The following WWOX variants were observed in gnomAD, a reference collection of about 807,000 sequenced individuals.
WWOX encodes WW domain-containing oxidoreductase.
A neutral mutation model predicts 46.2 loss-of-function variants in WWOX; 69 were observed. That is an observed-to-expected ratio of 1.49 (90% CI 1.23 to 1.82). The LOEUF (loss-of-function observed/expected upper bound fraction) is 1.82. WWOX is among the 40% of genes most tolerant of loss of function. The pLI is 0.00. For synonymous variants in WWOX, 359 were observed against 202.6 expected (o/e 1.77, Z -6.56); for missense variants, 919 against 542.6 (o/e 1.69, Z -6.89).
chr16:78,661,195 C>T (rs1229414166), intron 8 of WWOX, among the ~76,000 whole-genome samples: 1 of 152,174 alleles, frequency 6.6e-6, no homozygotes, highest in African/African-American at 2.4e-5. Context: ...AACCAATTTC[C>T]TCTCTACCAT....
At chr16:78,978,107 A>T (rs994594989) in intron 8 of WWOX, among the ~76,000 whole-genome samples, 7 of 152,214 alleles carry the variant, frequency 4.6e-5, no homozygotes, top group African/African-American at 1.7e-4. Context: ...TATTTTATTT[A>T]AGTGGGATCA....
chr16:78,310,379 GA>G (rs1567491614), intron 5 of WWOX, among the ~76,000 whole-genome samples: 1 of 152,176 alleles, frequency 6.6e-6, no homozygotes, highest in African/African-American at 2.4e-5. Context: ...TTTGTTGACT[GA>G]ATGAATTAAT....
chr16:79,051,021 C>A (rs893962225), intron 8 of WWOX, among the ~76,000 whole-genome samples: 3 of 152,224 alleles, frequency 2.0e-5, no homozygotes, highest in Non-Finnish European at 2.9e-5. Context: ...GGCTCTTCGC[C>A]CATTAACGCT....
At chr16:79,053,375 G>T (rs183492297) in intron 8 of WWOX, among the ~76,000 whole-genome samples, 1 of 152,066 alleles carries the variant, frequency 6.6e-6, no homozygotes, top group Non-Finnish European at 1.5e-5. Context: ...TAGTGCGCAC[G>T]TAAAGAAACA....
At chr16:78,267,839 A>G (rs2079399797) in intron 5 of WWOX, among the ~76,000 whole-genome samples, 1 of 152,178 alleles carries the variant, frequency 6.6e-6, no homozygotes, top group Non-Finnish European at 1.5e-5. Flanking sequence ...TGCCGGGTTC[A>G]AGTGATTCTC....
At chr16:78,578,284 A>ATATATATATATATATATTTTT (rs1555567122) in intron 8 of WWOX, among the ~76,000 whole-genome samples, 2 of 20,838 alleles carry the variant, frequency 9.6e-5, no homozygotes, top group Admixed American at 7.7e-4. Context: ...ATATATATAT[A>ATATATATATATATATATTTTT]TTTTTTTTTT....
At chr16:78,789,374 AT>A (rs1735282784) in intron 8 of WWOX, among the ~76,000 whole-genome samples, 2 of 152,174 alleles carry the variant, frequency 1.3e-5, no homozygotes, top group Non-Finnish European at 2.9e-5. Context: ...GTGAATATCC[AT>A]TTGTCCCAGA....
chr16:79,015,872 C>T (rs1028510242), intron 8 of WWOX, among the ~76,000 whole-genome samples: 7 of 152,214 alleles, frequency 4.6e-5, no homozygotes, highest in African/African-American at 1.4e-4. Flanking sequence ...CTGCCTCAGA[C>T]TCCCGAGTAG....
At chr16:78,598,337 A>T (rs1404362577) in intron 8 of WWOX, among the ~76,000 whole-genome samples, 1 of 152,174 alleles carries the variant, frequency 6.6e-6, no homozygotes, top group African/African-American at 2.4e-5. Flanking sequence ...ACGTGGGAGG[A>T]TTTCAAATGA....
At chr16:78,560,929 T>C (rs1294446059) in intron 8 of WWOX, among the ~76,000 whole-genome samples, 1 of 152,184 alleles carries the variant, frequency 6.6e-6, no homozygotes, top group Non-Finnish European at 1.5e-5. Flanking sequence ...ACATCTTGTT[T>C]ATTAACTACA....
intron 6 of WWOX, among the ~76,000 whole-genome samples, chr16:78,415,486 G>A (rs1300587366): frequency 1.3e-5 from 2 of 152,124 alleles, no homozygotes; most frequent in African/African-American, 2.4e-5. Context: ...ATGCAGCCCA[G>A]TAGGTCTCAA....
At chr16:78,559,860 C>T (rs2253019) in intron 8 of WWOX, among the ~76,000 whole-genome samples, 77,970 of 152,000 alleles carry the variant, frequency 0.51, 22,641 homozygotes, top group African/African-American at 0.81. Context: ...ACCCTCCTTC[C>T]CCCCTCTATC....
chr16:79,196,599 T>C (rs1405831009), intron 8 of WWOX: 1 of 152,210 alleles, frequency 6.6e-6, no homozygotes, highest in African/African-American at 2.4e-5. Flanking sequence ...CCCTAGCCTC[T>C]CTTCTCCTGA....
chr16:78,618,901 A>T (rs1466719638), intron 8 of WWOX, among the ~76,000 whole-genome samples: 1 of 151,314 alleles, frequency 6.6e-6, no homozygotes, highest in Non-Finnish European at 1.5e-5. Flanking sequence ...TTCTCCAAGT[A>T]GGAGGCCTTG....
intron 8 of WWOX, among the ~76,000 whole-genome samples, chr16:78,884,280 A>AG (rs2044405353): frequency 6.7e-6 from 1 of 148,306 alleles, no homozygotes; most frequent in African/African-American, 2.5e-5. Flanking sequence ...CTCCAAAAAA[A>AG]AAAAAAAAAA....
chr16:78,883,453 G>C (rs1457738341), intron 8 of WWOX, among the ~76,000 whole-genome samples: 1 of 152,204 alleles, frequency 6.6e-6, no homozygotes, highest in Admixed American at 6.5e-5. Flanking sequence ...GCTGGGCATG[G>C]TGGCTTATGC....
At chr16:78,436,302 A>G (rs986161152) in intron 8 of WWOX, among the ~76,000 whole-genome samples, 5 of 152,324 alleles carry the variant, frequency 3.3e-5, no homozygotes, top group African/African-American at 1.2e-4. Context: ...TTTACTGGCC[A>G]GGTAGAAAGG....
chr16:79,067,517 C>T (rs1411647411), intron 8 of WWOX, among the ~76,000 whole-genome samples: 3 of 151,684 alleles, frequency 2.0e-5, no homozygotes, highest in South Asian at 2.1e-4. Flanking sequence ...AGTGTCTGCC[C>T]GGACATCTCC....
chr16:79,065,516 G>A (rs997479239), intron 8 of WWOX, among the ~76,000 whole-genome samples: 1 of 152,140 alleles, frequency 6.6e-6, no homozygotes, highest in Non-Finnish European at 1.5e-5. Context: ...GGTGGGGTCA[G>A]TGGGTCATCA....
Sources: allele counts gnomAD v4.1 joint callset (sites outside exome capture counted in the v4.1 genomes callset), GRCh38; gene constraint gnomAD v4.1.1; transcripts MANE v1.5; gene names NCBI Gene and HGNC (gene_info 2026-07-23, HGNC 2026-07-21).